Variants in SPATA6L observed in about 807,000 individuals in gnomAD.
SPATA6L encodes the protein spermatogenesis associated 6-like protein.
Under a neutral mutation model 49.2 loss-of-function variants are expected in SPATA6L, and 68 were observed. The ratio of observed to expected loss-of-function variants is 1.38; its 90% CI spans 1.14 to 1.69. SPATA6L has a LOEUF of 1.69. Among genes scored for constraint, SPATA6L ranks in the 40% most tolerant of loss-of-function variants. The probability of loss-of-function intolerance (pLI) is 0.00; values close to 1 mark genes in which losing one functional copy is unlikely to be tolerated. For synonymous variants in SPATA6L, 198 were observed against 165.7 expected (o/e 1.19, Z -1.50); for missense variants, 668 against 464.3 (o/e 1.44, Z -4.03).
chr9:4,602,267 A>T (rs1018972288), intron 11 of SPATA6L, among the ~76,000 whole-genome samples: 11 of 152,122 alleles, frequency 7.2e-5, no homozygotes, highest in Non-Finnish European at 1.6e-4. Context: ...GCATTTGATA[A>T]TCATGTGGGC....
chr9:4,596,728 C>T (rs187751136), downstream of SPATA6L, among the ~76,000 whole-genome samples: 330 of 152,234 alleles, frequency 2.2e-3, 2 homozygotes, highest in African/African-American at 7.6e-3. Flanking sequence ...CTGAAATGTT[C>T]TGAGTTCATG....
chr9:4,596,337 A>C (rs183814966), downstream of SPATA6L: 30 of 152,292 alleles, frequency 2.0e-4, no homozygotes, highest in African/African-American at 6.3e-4. Flanking sequence ...AGACCCAGTG[A>C]ACAAAGGACG....
Position 4,605,347 on chromosome 9 carries a change from C to T in SPATA6L, c.1089G>A (p.Lys363=). ...TSHRAQLHQN[K]EDSTSEVNYI... ...ATCTAGTTTTATAAGAAAGTCTAAC[C>T]TTGTTTTGGTGCAGCTGTGCTCTGT... The change falls in exon 10 of 12, where the codon AAG becomes AAA. Residue 363 remains lysine, a splice_region_variant and synonymous_variant. Coordinates refer to ENST00000682582, the MANE Select transcript of SPATA6L (RefSeq NM_001353486.2). 6.2e-7 allele frequency: 1 copy of T among 1,612,506 alleles called. No homozygotes were observed. Among genetic ancestry groups the T allele is most frequent in the East Asian group, 2.2e-5 (1 of 44,850 alleles).
At chr9:4,641,581 T>C (rs1222607694) in intron 3 of SPATA6L, among the ~76,000 whole-genome samples, 1 of 152,126 alleles carries the variant, frequency 6.6e-6, no homozygotes, top group Non-Finnish European at 1.5e-5. Flanking sequence ...ACATGTTCAG[T>C]ACAGACACAA....
intron 9 of SPATA6L, among the ~76,000 whole-genome samples, chr9:4,609,900 T>C (rs1035938007): frequency 3.9e-5 from 6 of 152,032 alleles, no homozygotes; most frequent in Admixed American, 6.5e-5. Context: ...GAAAACCCCA[T>C]TGTCTCAGCC....
chr9:4,607,508 G>C (rs1042288178), intron 9 of SPATA6L, among the ~76,000 whole-genome samples: 4 of 152,176 alleles, frequency 2.6e-5, no homozygotes, highest in South Asian at 2.1e-4. Context: ...TTAAAGAAAA[G>C]AATTTTCAAC....
At chr9:4,604,453 G>T (rs921002475) in intron 10 of SPATA6L, among the ~76,000 whole-genome samples, 184 bp from the exon 11 acceptor site, 1 of 151,990 alleles carries the variant, frequency 6.6e-6, no homozygotes, top group South Asian at 2.1e-4. Context: ...TCATTATGTT[G>T]CCAGGCTGGT....
chr9:4,653,965 AC>A (rs1220625439), intron 3 of SPATA6L, among the ~76,000 whole-genome samples: 2 of 152,066 alleles, frequency 1.3e-5, no homozygotes, highest in African/African-American at 4.8e-5. Flanking sequence ...AAGACAAATG[AC>A]CCCATTAAAA....
rs1327775078 is a variant in SPATA6L at position 4,598,660 on chromosome 9, TA to T, written c.*2150del. 6.6e-6 allele frequency among the ~76,000 whole-genome samples: 1 copy of T among 152,246 alleles called. No individual in the cohort carries two copies. The highest frequency in any genetic ancestry group is 6.5e-5 in the Admixed American group (1 of 15,286). ...ACTGAATATTGAATGTCATGGTGTA[TA>T]TTTTAACAATAACTGAAATGGGATA... On this transcript the variant is annotated 3_prime_UTR_variant, in exon 12 of 12. Coordinates refer to ENST00000682582, the MANE Select transcript of SPATA6L (RefSeq NM_001353486.2).
chr9:4,592,245 G>A (rs1221709532), intron 13 of SPATA6L, among the ~76,000 whole-genome samples: 1 of 151,110 alleles, frequency 6.6e-6, no homozygotes, highest in African/African-American at 2.4e-5. Flanking sequence ...AACCCTGGAG[G>A]TGGAGTTTGC....
chr9:4,639,269 T>C (rs1343874868), intron 3 of SPATA6L, among the ~76,000 whole-genome samples: 2 of 152,064 alleles, frequency 1.3e-5, no homozygotes, highest in Non-Finnish European at 2.9e-5. Context: ...TGATATGATG[T>C]TCTACACAGG....
intron 4 of SPATA6L, 24 bp downstream of exon 4, chr9:4,635,251 C>G (rs779385317): frequency 6.7e-7 from 1 of 1,498,344 alleles, no homozygotes; most frequent in Non-Finnish European, 8.8e-7. Context: ...CTAATAGAAG[C>G]CCAGATGAGC....
intron 4 of SPATA6L, among the ~76,000 whole-genome samples, chr9:4,630,259 A>T (rs1209233017): frequency 6.6e-6 from 1 of 152,208 alleles, no homozygotes; most frequent in Non-Finnish European, 1.5e-5. Context: ...TAAAATTCAT[A>T]GACCTGTAGA....
chr9:4,630,253 A>C (rs1249841910), intron 4 of SPATA6L, among the ~76,000 whole-genome samples: 3 of 152,222 alleles, frequency 2.0e-5, no homozygotes, highest in African/African-American at 7.2e-5. Context: ...ATGTGTTAAA[A>C]TTCATAGACC....
chr9:4,596,206 C>T (rs79740223), downstream of SPATA6L, among the ~76,000 whole-genome samples: 3,259 of 152,128 alleles, frequency 0.021, 122 homozygotes, highest in African/African-American at 0.075. Context: ...TTAGTGTGAC[C>T]CCTCCCGACC....
chr9:4,592,663 G>C (rs143833136), intron 13 of SPATA6L, among the ~76,000 whole-genome samples: 47 of 152,330 alleles, frequency 3.1e-4, no homozygotes, highest in African/African-American at 1.1e-3. Flanking sequence ...GTTCAAAGCA[G>C]ATAAGAATCA....
In SPATA6L at chr9:4,627,734, T is replaced by C. The variant is rs926851104; in HGVS notation, c.429+1357A>G. 9 of 1,289,144 alleles carry C rather than the reference T, an allele frequency of 7.0e-6. No individual in the cohort carries two copies. In the South Asian group the frequency reaches 9.9e-5, roughly 14 times the overall value. The allele number at this position is 1,289,144 out of a possible 1,614,324, so 79.9% of individuals were successfully genotyped here. On this transcript the variant is annotated intron_variant, in intron 5 of 11. Coordinates refer to ENST00000682582, the MANE Select transcript of SPATA6L (RefSeq NM_001353486.2). ...ATTGAGGTAGTACACATGGATGCCC[T>C]AAGACGCTTCACGCTTACCAAAGAC...
intron 4 of SPATA6L, among the ~76,000 whole-genome samples, chr9:4,631,375 T>C (rs1831506984): frequency 6.6e-6 from 1 of 152,096 alleles, no homozygotes; most frequent in African/African-American, 2.4e-5. Flanking sequence ...AATAGATAAT[T>C]GTGCAATCTT....
At chr9:4,666,109 G>A (rs1840820521) in intron 1 of SPATA6L, 103 bp downstream of exon 1, 1 of 1,010,362 alleles carries the variant, frequency 9.9e-7, no homozygotes, top group Non-Finnish European at 1.6e-6. Context: ...ATAATGATGT[G>A]TTTGTGGTAA....
Sources: allele counts gnomAD v4.1 joint callset (sites outside exome capture counted in the v4.1 genomes callset), GRCh38; gene constraint gnomAD v4.1.1; transcripts MANE v1.5; gene names NCBI Gene and HGNC (gene_info 2026-07-23, HGNC 2026-07-21).